The following RBFOX2 variants were observed in gnomAD, a reference collection of about 807,000 sequenced individuals.
RBFOX2 encodes the protein RNA binding protein fox-1 homolog 2.
In RBFOX2, 10 loss-of-function variants were observed where a neutral mutation model predicts 49.1. The observed-to-expected ratio is 0.20, with a 90% confidence interval of 0.13 to 0.35. The LOEUF is 0.35. RBFOX2 is among the 10% of genes least tolerant of loss of function. The probability of loss-of-function intolerance (pLI) is 1.00; values close to 1 mark genes in which losing one functional copy is unlikely to be tolerated. For missense variants in RBFOX2, 323 were observed against 486.9 expected, an observed-to-expected ratio of 0.66 and a Z score of 3.17; for synonymous variants, 183 against 187.4, an observed-to-expected ratio of 0.98 and a Z score of 0.19.
intron 2 of RBFOX2, among the ~76,000 whole-genome samples, chr22:35,790,226 A>G (rs375645393): frequency 6.6e-6 from 1 of 152,238 alleles, no homozygotes; most frequent in African/African-American, 2.4e-5. Context: ...GCTGACATGT[A>G]TATTCTAGGA....
chr22:35,908,171 A>T (rs928481109), intron 1 of RBFOX2, among the ~76,000 whole-genome samples: 2 of 152,234 alleles, frequency 1.3e-5, no homozygotes, highest in African/African-American at 2.4e-5. Flanking sequence ...TCGTATAATG[A>T]GAAACAGTCA....
At chr22:35,772,724 T>C (rs529864942) in intron 4 of RBFOX2, among the ~76,000 whole-genome samples, 50 of 152,284 alleles carry the variant, frequency 3.3e-4, no homozygotes, top group African/African-American at 1.2e-3. Flanking sequence ...ATGGTTGTAG[T>C]TAAAACTTCT....
chr22:35,835,481 G>C (rs1234610789), intron 1 of RBFOX2, among the ~76,000 whole-genome samples: 3 of 119,960 alleles, frequency 2.5e-5, no homozygotes, highest in African/African-American at 9.4e-5. Flanking sequence ...ATTTCTCAGG[G>C]GAGAACAGAA....
chr22:35,948,954 A>G (rs1004522380), intron 1 of RBFOX2, among the ~76,000 whole-genome samples: 8 of 152,162 alleles, frequency 5.3e-5, no homozygotes, highest in Admixed American at 3.9e-4. Flanking sequence ...GCTGCACCCA[A>G]TAAACACTAA....
chr22:35,872,417 T>C (rs868419895), intron 1 of RBFOX2, among the ~76,000 whole-genome samples: 5 of 152,164 alleles, frequency 3.3e-5, no homozygotes, highest in African/African-American at 1.2e-4. Flanking sequence ...ACCCTCTACC[T>C]TGTTGCAAGG....
chr22:35,922,243 T>A (rs983303754), intron 1 of RBFOX2, among the ~76,000 whole-genome samples: 19 of 152,200 alleles, frequency 1.2e-4, no homozygotes, highest in Non-Finnish European at 2.5e-4. Flanking sequence ...TAAACTGAGT[T>A]TGTAAATAGT....
intron 1 of RBFOX2, among the ~76,000 whole-genome samples, chr22:36,010,770 CACACACACGT>C (rs2058791784): frequency 6.6e-6 from 1 of 151,092 alleles, no homozygotes; most frequent in African/African-American, 2.5e-5. Context: ...CACACACACA[CACACACACGT>C]GTGTTTATAT....
chr22:35,863,571 A>T (rs1282643306), intron 1 of RBFOX2, among the ~76,000 whole-genome samples: 1 of 151,978 alleles, frequency 6.6e-6, no homozygotes, highest in African/African-American at 2.4e-5. Context: ...GCTGCACCTG[A>T]CTCTCATACC....
At chr22:35,764,012 T>C (rs540719430) in intron 6 of RBFOX2, among the ~76,000 whole-genome samples, 2 of 152,038 alleles carry the variant, frequency 1.3e-5, no homozygotes, top group South Asian at 4.1e-4. Context: ...TTCTATTTTG[T>C]TTACTTTGAG....
intron 6 of RBFOX2, among the ~76,000 whole-genome samples, chr22:35,761,906 T>C (rs949673880): frequency 6.6e-6 from 1 of 152,194 alleles, no homozygotes; most frequent in Non-Finnish European, 1.5e-5. Context: ...AAGGTATCCA[T>C]GGGCTGAACT....
intron 10 of RBFOX2, 98 bp from the exon 13 acceptor site, chr22:35,746,093 C>G: frequency 9.5e-7 from 1 of 1,057,102 alleles, no homozygotes; most frequent in Non-Finnish European, 1.4e-6. Context: ...GTCACTTGGT[C>G]TTGGATTATC....
intron 9 of RBFOX2, among the ~76,000 whole-genome samples, chr22:35,754,381 G>A (rs1431834289): frequency 2.6e-5 from 4 of 152,188 alleles, no homozygotes; most frequent in Admixed American, 2.6e-4. Context: ...CTGAGCCACT[G>A]TGCCCGGCCC....
chr22:35,989,552 A>C (rs1603462591), intron 1 of RBFOX2, among the ~76,000 whole-genome samples: 1 of 152,232 alleles, frequency 6.6e-6, no homozygotes, highest in African/African-American at 2.4e-5. Context: ...TATTTTAAGA[A>C]GGTGGCTTGT....
At chr22:35,867,174 T>G (rs983117029) in intron 1 of RBFOX2, among the ~76,000 whole-genome samples, 4 of 152,196 alleles carry the variant, frequency 2.6e-5, no homozygotes, top group Non-Finnish European at 4.4e-5. Context: ...AAGAACCTTT[T>G]AAGGTTAACA....
chr22:35,805,876 G>GA (rs1376145616), intron 2 of RBFOX2, among the ~76,000 whole-genome samples: 15 of 152,038 alleles, frequency 9.9e-5, no homozygotes, highest in Admixed American at 9.8e-4. Context: ...AAGCCAATCA[G>GA]AAAAAAGCTA....
chr22:35,910,013 A>G (rs2049605704), intron 1 of RBFOX2, among the ~76,000 whole-genome samples: 2 of 152,348 alleles, frequency 1.3e-5, no homozygotes, highest in East Asian at 3.9e-4. Flanking sequence ...ACAATCATAA[A>G]TATTTACTTA....
In RBFOX2 at chr22:35,755,008, G is replaced by A. The variant is rs146234514; in HGVS notation, c.887+4880C>T. Among the ~76,000 whole-genome samples the A allele has an allele frequency of 2.5e-3, 379 of 152,268 alleles. 5 individuals are homozygous for A. In the South Asian group the frequency reaches 0.027, roughly 11 times the overall value. On this transcript the variant is annotated intron_variant, in intron 9 of 11. Coordinates refer to ENST00000405409, the Ensembl canonical transcript of RBFOX2. ...ATCCCATCTCTACTTCCTGCAAAAC[G>A]CAAAACCTCTGAGTGCATTCTGAAA...
intron 1 of RBFOX2, among the ~76,000 whole-genome samples, chr22:35,970,866 G>T (rs190717294): frequency 1.3e-5 from 2 of 152,090 alleles, no homozygotes; most frequent in African/African-American, 4.8e-5. Context: ...AAATTGCAAA[G>T]ACCTAAATGG....
At chr22:35,957,142 A>C (rs1177683542) in intron 1 of RBFOX2, among the ~76,000 whole-genome samples, 1 of 152,158 alleles carries the variant, frequency 6.6e-6, no homozygotes, top group African/African-American at 2.4e-5. Context: ...AACTAGCTCT[A>C]TGGCTGTGGA....
Sources: gnomAD v4.1 joint callset for allele counts (sites outside exome capture counted in the v4.1 genomes callset) on GRCh38, gnomAD v4.1.1 for gene constraint, MANE v1.5 for transcripts, NCBI Gene and HGNC (gene_info 2026-07-23, HGNC 2026-07-21) for gene names.